Variants in MCM3AP observed in about 807,000 individuals in gnomAD.
MCM3AP encodes minichromosome maintenance complex component 3 associated protein, also known as germinal-center associated nuclear protein.
MCM3AP carries 126 observed loss-of-function variants against 184.1 expected under a neutral mutation model. The ratio of observed to expected loss-of-function variants is 0.68; its 90% CI spans 0.59 to 0.79. The LOEUF (loss-of-function observed/expected upper bound fraction) is 0.79, where lower values mean the gene tolerates loss of function less well. Ranked by LOEUF, MCM3AP falls within the 30% of genes least tolerant of loss-of-function variation. The probability of loss-of-function intolerance (pLI) is 0.00; values close to 1 mark genes in which losing one functional copy is unlikely to be tolerated. For synonymous variants in MCM3AP, 1,002 were observed against 979.3 expected, an observed-to-expected ratio of 1.02 and a Z score of -0.43; for missense variants, 2,496 against 2,479.2, an observed-to-expected ratio of 1.01 and a Z score of -0.14.
intron 2 of MCM3AP, among the ~76,000 whole-genome samples, chr21:46,281,112 T>C (rs995302794): frequency 2.6e-5 from 4 of 152,196 alleles, no homozygotes; most frequent in Admixed American, 2.6e-4. Context: ...GGCCCCTTTT[T>C]TTTAATTAAC....
intron 9 of MCM3AP, among the ~76,000 whole-genome samples, chr21:46,269,629 C>T (rs1398165380): frequency 6.6e-6 from 1 of 152,136 alleles, no homozygotes; most frequent in Non-Finnish European, 1.5e-5. Context: ...AAGGCAGGTC[C>T]CAGGATCTCC....
intron 12 of MCM3AP, among the ~76,000 whole-genome samples, chr21:46,264,766 C>A (rs907827497): frequency 2.7e-5 from 4 of 148,652 alleles, no homozygotes; most frequent in Admixed American, 6.8e-5. Flanking sequence ...ACGACCACCC[C>A]GAGGCCACGC....
intron 6 of MCM3AP, among the ~76,000 whole-genome samples, chr21:46,274,906 T>C (rs1204516525): frequency 7.0e-6 from 1 of 142,578 alleles, no homozygotes; most frequent in Admixed American, 7.4e-5. Flanking sequence ...ACCACTGCAC[T>C]TCAGCCTAGG....
At chr21:46,261,024 C>A in intron 14 of MCM3AP, 118 bp from the exon 15 acceptor site, 1 of 877,554 alleles carries the variant, frequency 1.1e-6, no homozygotes. Context: ...GTCGGTAGGC[C>A]ACCCCTACTC....
chr21:46,259,648 C>A (rs2081014288), intron 15 of MCM3AP, among the ~76,000 whole-genome samples: 1 of 151,876 alleles, frequency 6.6e-6, no homozygotes, highest in Non-Finnish European at 1.5e-5. Flanking sequence ...CACGGTGGCT[C>A]ATGCCTGTAA....
rs138591880 is a variant in MCM3AP, at chr21:46,284,339, G to C, written c.948C>G (p.Ser316=). ...HEPAEDSDPL[S]RGDHPPDKRP... Reference sequence around the variant, plus strand: ...GTTTGTCTGGAGGATGATCGCCCCGGGACAGAGGATCCGAATCTTCTGCTG... The same window carrying C: ...GTTTGTCTGGAGGATGATCGCCCCGCGACAGAGGATCCGAATCTTCTGCTG... Residue 316 remains serine, a synonymous_variant, in exon 1 of 28, where the codon TCC becomes TCG. Coordinates refer to ENST00000291688, the MANE Select transcript of MCM3AP (RefSeq NM_003906.5). The C allele has an allele frequency of 4.5e-3, 7,210 of 1,614,152 alleles. 36 individuals carry two copies. Among genetic ancestry groups the C allele is most frequent in the Non-Finnish European group, 4.5e-3 (5,319 of 1,180,030 alleles).
intron 9 of MCM3AP, 113 bp downstream of exon 9, chr21:46,270,288 G>C (rs1375128497): frequency 4.0e-6 from 4 of 1,004,758 alleles, no homozygotes; most frequent in Non-Finnish European, 5.9e-6. Context: ...CTGCAAGGGT[G>C]ACACAGCATC....
At chr21:46,273,609 G>A (rs1243458504) in intron 6 of MCM3AP, 24 bp from the exon 7 acceptor site, 1 of 1,606,944 alleles carries the variant, frequency 6.2e-7, no homozygotes, top group Non-Finnish European at 8.5e-7. Flanking sequence ...GCCGAGACAG[G>A]ATGCCCATGT....
intron 8 of MCM3AP, among the ~76,000 whole-genome samples, chr21:46,271,962 T>C (rs2081186068): frequency 6.6e-6 from 1 of 151,508 alleles, no homozygotes; most frequent in African/African-American, 2.4e-5. Context: ...AGGTTCACCA[T>C]TGATAGGGGA....
chr21:46,271,504 A>C (rs556035641), intron 8 of MCM3AP, among the ~76,000 whole-genome samples: 10 of 151,792 alleles, frequency 6.6e-5, no homozygotes, highest in Non-Finnish European at 5.9e-5. Flanking sequence ...AATTTTATTT[A>C]TTTATTCATT....
In MCM3AP at chr21:46,251,589, C is replaced by T. The variant is rs781356924; in HGVS notation, c.4230G>A (p.Ser1410=). The change falls in exon 20 of 28, where the codon TCG becomes TCA. Residue 1410 remains serine (S), a synonymous_variant. Transcript: ENST00000291688. ...SSDAGGIQTL[S]LFNSLSSKGD... ...CTTTGCTGCTAAGTGAGTTGAAAAGCGAAAGCGTCTGAATCCCACCAGCAT... is the reference window on the plus strand; with the variant it reads ...CTTTGCTGCTAAGTGAGTTGAAAAGTGAAAGCGTCTGAATCCCACCAGCAT... 4 of 1,612,798 alleles carry T rather than the reference C, an allele frequency of 2.5e-6. No homozygotes were observed. The highest frequency in any genetic ancestry group is 3.3e-5 in the Admixed American group (2 of 60,020).
chr21:46,260,273 T>G (rs373977886), intron 15 of MCM3AP, among the ~76,000 whole-genome samples: 1 of 152,158 alleles, frequency 6.6e-6, no homozygotes, highest in Admixed American at 6.5e-5. Flanking sequence ...CTTAATAAAA[T>G]AGTCAGAATT....
intron 27 of MCM3AP, among the ~76,000 whole-genome samples, chr21:46,235,964 C>T (rs2080516225): frequency 6.6e-6 from 1 of 152,212 alleles, no homozygotes; most frequent in Non-Finnish European, 1.5e-5. Context: ...TCGTCAAGGG[C>T]TGTGAATTAT....
chr21:46,250,203 T>TCA lies in MCM3AP; in HGVS notation c.4290+1325_4290+1326insTG, dbSNP rs2080846691. On this transcript the variant is annotated intron_variant, in intron 20 of 27. Coordinates refer to ENST00000291688, the MANE Select transcript of MCM3AP (RefSeq NM_003906.5). ...AATTGTGGTTATAGAACACTACTGGTTCTGAGGTGAATAGCAGTCACAGAG... is the reference window on the plus strand; with the variant it reads ...AATTGTGGTTATAGAACACTACTGGTCATCTGAGGTGAATAGCAGTCACAGAG... 2.0e-5 allele frequency: 3 copies of TCA among 152,332 alleles called. No individual in the cohort carries two copies. The South Asian group carries it at 6.2e-4, about 32-fold the overall frequency. The allele number at this position is 152,332 out of a possible 1,614,324, so 9.4% of individuals were successfully genotyped here. A position where few individuals can be genotyped will look rare whatever the true frequency, so the allele number is the denominator to read the frequency against.
In MCM3AP at chr21:46,256,777, G is replaced by A; in HGVS notation, c.3932+12C>T. 1.3e-6 allele frequency: 2 copies of A among 1,545,532 alleles called. No homozygotes were observed. Among genetic ancestry groups the A allele is most frequent in the South Asian group, 1.2e-5 (1 of 83,930 alleles). Reference sequence around the variant, plus strand: ...GGGAGCCCTGACGAGGCAGGCGACAGCTGATGCTGACCTGGTGCAGGAGAT... The same window carrying A: ...GGGAGCCCTGACGAGGCAGGCGACAACTGATGCTGACCTGGTGCAGGAGAT... On this transcript the variant is annotated intron_variant, in intron 17 of 27. Transcript: ENST00000291688.
chr21:46,261,010 C>G, intron 14 of MCM3AP, 104 bp from the exon 15 acceptor site: 1 of 984,886 alleles, frequency 1.0e-6, no homozygotes, highest in Non-Finnish European at 1.6e-6. Context: ...GGTGTGCTGC[C>G]TGAGTCGGTA....
At chr21:46,264,577 A>G (rs757477909) in intron 12 of MCM3AP, among the ~76,000 whole-genome samples, 1 of 152,156 alleles carries the variant, frequency 6.6e-6, no homozygotes, top group Non-Finnish European at 1.5e-5. Context: ...CAGTCTCACA[A>G]CCATGGAGTC....
rs750653914 is a variant in MCM3AP at position 46,245,024 on chromosome 21, G to A, written c.4821C>T (p.Ala1607=). 6.2e-7 allele frequency: 1 copy of A among 1,614,184 alleles called. No homozygotes were observed. The highest frequency in any genetic ancestry group is 1.7e-5 in the Admixed American group (1 of 60,020). Reference sequence around the variant, plus strand: ...GCACACTGTTAAACAGCTCAATGATGGCGCCAGGCTCCTGAGAAGCAAGAC... The same window carrying A: ...GCACACTGTTAAACAGCTCAATGATAGCGCCAGGCTCCTGAGAAGCAAGAC... ...LGGLASQEPG[A]IIELFNSVLQ... is the part of the protein sequence containing the mutation. The change falls in exon 23 of 28, where the codon GCC becomes GCT. Residue 1607 remains alanine, a synonymous_variant. Transcript: ENST00000291688.
chr21:46,265,973 C>G lies in MCM3AP; in HGVS notation c.2983G>C (p.Ala995Pro). 6.2e-7 allele frequency: 1 copy of G among 1,603,376 alleles called. No homozygotes were observed. The highest frequency in any genetic ancestry group is 8.5e-7 in the Non-Finnish European group (1 of 1,173,730). The stretch of plus-strand genomic sequence containing the variant: ...TGGGTGCTGACGGGCAGCTCCGCGG[C>G]CAGGCTCTCCCCGATGTACTTGTTC... Reference protein sequence around the residue: ...SQNKYIGESLAAELPVSTQRP... With the variant: ...SQNKYIGESLPAELPVSTQRP... Residue 995 changes from alanine to proline, a missense_variant, in exon 11 of 28, where the codon GCC becomes CCC. Coordinates refer to ENST00000291688, the MANE Select transcript of MCM3AP (RefSeq NM_003906.5).
Sources: gnomAD v4.1 joint callset for allele counts (sites outside exome capture counted in the v4.1 genomes callset) on GRCh38, gnomAD v4.1.1 for gene constraint, MANE v1.5 for transcripts, NCBI Gene and HGNC (gene_info 2026-07-23, HGNC 2026-07-21) for gene names.